Variants in EYS observed in about 807,000 individuals in gnomAD.
The protein encoded by EYS is EGF-like photoreceptor maintenance factor, also known as protein eyes shut homolog.
Under a neutral mutation model 282.1 loss-of-function variants are expected in EYS, and 250 were observed. The ratio of observed to expected loss-of-function variants is 0.89; its 90% CI spans 0.80 to 0.98. EYS has a LOEUF of 0.98. Among genes scored for constraint, EYS ranks in the 50% least tolerant of loss-of-function variants. EYS has a pLI of 0.00. For synonymous variants in EYS, 1,355 were observed against 1,282.9 expected (o/e 1.06, Z -1.20); for missense variants, 4,016 against 3,709.0 (o/e 1.08, Z -2.15).
chr6:64,407,079 A>G (rs1233895032), intron 28 of EYS, among the ~76,000 whole-genome samples: 1 of 152,232 alleles, frequency 6.6e-6, no homozygotes, highest in African/African-American at 2.4e-5. Context: ...ATGGATAAAG[A>G]AAATGTGGCA....
intron 12 of EYS, among the ~76,000 whole-genome samples, chr6:65,091,924 A>G (rs548456847): frequency 1.3e-5 from 2 of 152,214 alleles, no homozygotes; most frequent in African/African-American, 4.8e-5. Context: ...CCACCTGCCT[A>G]CGGTCCCTCG....
chr6:64,543,432 A>C (rs762936891), intron 26 of EYS, among the ~76,000 whole-genome samples: 42 of 152,252 alleles, frequency 2.8e-4, no homozygotes, highest in Admixed American at 5.9e-4. Flanking sequence ...TTTTATTTAT[A>C]GAAAAAATAT....
chr6:64,740,516 C>G (rs558415256), intron 22 of EYS, among the ~76,000 whole-genome samples: 1 of 152,042 alleles, frequency 6.6e-6, no homozygotes, highest in Non-Finnish European at 1.5e-5. Context: ...GGTACCTAAG[C>G]AAACCTATAT....
At chr6:65,571,698 G>A (rs1207263468) in intron 2 of EYS, among the ~76,000 whole-genome samples, 1 of 151,910 alleles carries the variant, frequency 6.6e-6, no homozygotes, top group Non-Finnish European at 1.5e-5. Flanking sequence ...GTTCGATAAT[G>A]AAATTTTTCA....
Position 64,230,916 on chromosome 6 carries a change from G to T in EYS, c.6192-92C>A, listed in dbSNP as rs1273103621. The T allele has an allele frequency of 6.7e-6, 5 of 745,842 alleles. No individual in the cohort carries two copies. The East Asian group carries it at 1.4e-4, about 20-fold the overall frequency. 46.2% of individuals were successfully genotyped at this position (745,842 alleles called of 1,614,324 possible). Reference sequence around the variant, plus strand: ...ATAGAAAATTTGATTTAATATAAGAGAAAATGAAACCAATACTGATCAAGG... The same window carrying T: ...ATAGAAAATTTGATTTAATATAAGATAAAATGAAACCAATACTGATCAAGG... On this transcript the variant is annotated intron_variant, in intron 30 of 42. Coordinates refer to ENST00000503581, the MANE Select transcript of EYS (RefSeq NM_001142800.2).
chr6:64,723,175 A>G (rs1410999213), intron 22 of EYS, among the ~76,000 whole-genome samples: 1 of 152,098 alleles, frequency 6.6e-6, no homozygotes, highest in African/African-American at 2.4e-5. Context: ...TGTGTAGTCC[A>G]TGCTCTTAAC....
intron 12 of EYS, 74 bp from the exon 13 acceptor site, chr6:65,057,801 G>T: frequency 2.9e-6 from 3 of 1,028,832 alleles, no homozygotes; most frequent in Non-Finnish European, 4.5e-6. Flanking sequence ...TCTTAAATTT[G>T]CACAAGCCTT....
chr6:64,313,544 T>C lies in EYS; in HGVS notation c.6079-6462A>G, dbSNP rs975348312. On this transcript the variant is annotated intron_variant, in intron 29 of 42. Coordinates refer to ENST00000503581, the MANE Select transcript of EYS (RefSeq NM_001142800.2). ...GGAAAAACAGAGAACACCACAAAGA[T>C]ACTCCTCGAGAAGAGCAAACCCAAG... 9.2e-5 allele frequency among the ~76,000 whole-genome samples: 14 copies of C among 152,130 alleles called. 1 individual carries two copies. The highest frequency in any genetic ancestry group is 6.2e-4 in the South Asian group (3 of 4,808).
At chr6:65,377,780 A>G (rs929165658) in intron 8 of EYS, among the ~76,000 whole-genome samples, 3 of 152,164 alleles carry the variant, frequency 2.0e-5, no homozygotes, top group Non-Finnish European at 4.4e-5. Flanking sequence ...CAAAAACTAG[A>G]AAATCTAGAA....
At chr6:64,010,675 C>T (rs1768575906) in intron 33 of EYS, among the ~76,000 whole-genome samples, 1 of 152,188 alleles carries the variant, frequency 6.6e-6, no homozygotes, top group Admixed American at 6.5e-5. Context: ...TTTTTGTGTA[C>T]TCCCATTCTT....
chr6:64,873,416 A>G (rs1019534856), intron 19 of EYS, among the ~76,000 whole-genome samples: 2 of 152,074 alleles, frequency 1.3e-5, no homozygotes, highest in African/African-American at 4.8e-5. Flanking sequence ...TTAATTTTCC[A>G]CTACAACACC....
chr6:64,341,148 G>A (rs1771093736), intron 29 of EYS, among the ~76,000 whole-genome samples: 2 of 151,704 alleles, frequency 1.3e-5, no homozygotes, highest in Admixed American at 1.3e-4. Context: ...AAAGAAGTTT[G>A]GAGATTTCTC....
intron 2 of EYS, among the ~76,000 whole-genome samples, chr6:65,602,217 A>T (rs1239597343): frequency 1.3e-5 from 2 of 151,916 alleles, no homozygotes. Flanking sequence ...ATTCAACAAG[A>T]TGTACACAAA....
At chr6:63,996,408 A>T (rs1033609791) in intron 34 of EYS, among the ~76,000 whole-genome samples, 6 of 152,154 alleles carry the variant, frequency 3.9e-5, no homozygotes, top group Non-Finnish European at 8.8e-5. Context: ...TATAATTAAC[A>T]GTAATTAGCA....
intron 14 of EYS, among the ~76,000 whole-genome samples, chr6:64,995,490 GC>G (rs774958614): frequency 2.5e-4 from 38 of 152,054 alleles, no homozygotes; most frequent in Non-Finnish European, 4.9e-4. Context: ...ATATCTGAAA[GC>G]TATGAAATGC....
intron 12 of EYS, among the ~76,000 whole-genome samples, chr6:65,078,796 G>T (rs1035378530): frequency 4.6e-5 from 7 of 151,916 alleles, no homozygotes; most frequent in Admixed American, 3.9e-4. Flanking sequence ...GTGGGGCCTG[G>T]TGGGAGGCGT....
intron 30 of EYS, among the ~76,000 whole-genome samples, chr6:64,296,565 TATATATATATATATATATACATA>T (rs1769007278): frequency 1.3e-3 from 10 of 7,450 alleles, no homozygotes; most frequent in African/African-American, 5.2e-3. Context: ...TATATATATA[TATATATATATATATATATACATA>T]TATATATATA....
At chr6:64,157,105 C>T (rs1309340923) in intron 31 of EYS, among the ~76,000 whole-genome samples, 1 of 145,262 alleles carries the variant, frequency 6.9e-6, no homozygotes, top group Non-Finnish European at 1.5e-5. Flanking sequence ...CATGTGTTCT[C>T]ATTGTTCAAT....
At chr6:65,449,880 C>T (rs1764342630) in intron 5 of EYS, among the ~76,000 whole-genome samples, 1 of 151,978 alleles carries the variant, frequency 6.6e-6, no homozygotes, top group South Asian at 2.1e-4. Flanking sequence ...TACAACCTCT[C>T]TAGGACCTCT....
Sources: allele counts gnomAD v4.1 joint callset (sites outside exome capture counted in the v4.1 genomes callset), GRCh38; gene constraint gnomAD v4.1.1; transcripts MANE v1.5; gene names NCBI Gene and HGNC (gene_info 2026-07-23, HGNC 2026-07-21).